Variants in RBFOX2 observed in about 807,000 individuals in gnomAD.
RBFOX2 encodes the protein RNA binding protein fox-1 homolog 2.
A neutral mutation model predicts 49.1 loss-of-function variants in RBFOX2; 10 were observed. The observed-to-expected ratio is 0.20, with a 90% CI of 0.13 to 0.35. RBFOX2 has a LOEUF of 0.35. Ranked by LOEUF, RBFOX2 falls within the 10% of genes least tolerant of loss-of-function variation. The pLI is 1.00. For synonymous variants in RBFOX2, 183 were observed against 187.4 expected (o/e 0.98, Z 0.19); for missense variants, 323 against 486.9 (o/e 0.66, Z 3.17).
At chr22:35,791,004 T>C (rs1947490875) in intron 2 of RBFOX2, among the ~76,000 whole-genome samples, 1 of 149,760 alleles carries the variant, frequency 6.7e-6, no homozygotes, top group South Asian at 2.1e-4. Flanking sequence ...CAAGACCCTG[T>C]CTCAAAACAA....
At chr22:35,804,278 G>A (rs575080029) in intron 2 of RBFOX2, among the ~76,000 whole-genome samples, 4 of 151,752 alleles carry the variant, frequency 2.6e-5, no homozygotes, top group African/African-American at 2.4e-5. Flanking sequence ...ACTTCATCTC[G>A]GGGGAAAAGA....
At chr22:36,009,241 T>C (rs1421634429) in intron 1 of RBFOX2, among the ~76,000 whole-genome samples, 1 of 152,222 alleles carries the variant, frequency 6.6e-6, no homozygotes, top group Non-Finnish European at 1.5e-5. Flanking sequence ...AAAACTGTAA[T>C]GACTCATTTA....
chr22:35,746,382 T>C lies in RBFOX2; in HGVS notation c.976+91A>G, dbSNP rs771676891. On this transcript the variant is annotated intron_variant, in intron 10 of 11. Transcript: ENST00000405409. The stretch of plus-strand genomic sequence containing the variant: ...AGATGCCCGATGTGCTAAGAGCTGC[T>C]GTGGAAATGGTGAAGGGAGGAAAAT... The C allele has an allele frequency of 1.1e-4, 124 of 1,168,446 alleles. 1 individual carries two copies. The highest frequency in any genetic ancestry group is 4.7e-4 in the Admixed American group (20 of 42,850). 72.4% of individuals were successfully genotyped at this position (1,168,446 alleles called of 1,614,324 possible).
chr22:35,935,269 T>G (rs569758961), intron 1 of RBFOX2, among the ~76,000 whole-genome samples: 68 of 152,334 alleles, frequency 4.5e-4, no homozygotes, highest in African/African-American at 1.5e-3. Context: ...CTCACTTTTC[T>G]GAACTAGTTT....
chr22:35,747,775 T>C (rs1389803891), intron 9 of RBFOX2: 1 of 152,236 alleles, frequency 6.6e-6, no homozygotes. Flanking sequence ...AACAATAGCA[T>C]AAACATTTTA....
chr22:35,758,972 A>C (rs1034419348), intron 9 of RBFOX2, among the ~76,000 whole-genome samples: 1 of 152,186 alleles, frequency 6.6e-6, no homozygotes, highest in African/African-American at 2.4e-5. Context: ...TTCCTCCGTA[A>C]GAATACAAAA....
chr22:35,815,208 T>TA (rs1392989713), intron 1 of RBFOX2, among the ~76,000 whole-genome samples: 1 of 152,214 alleles, frequency 6.6e-6, no homozygotes, highest in Admixed American at 6.5e-5. Flanking sequence ...GACTTGAGTT[T>TA]AAATTCCAAT....
intron 1 of RBFOX2, among the ~76,000 whole-genome samples, chr22:35,881,148 C>T (rs2045835765): frequency 6.6e-6 from 1 of 152,112 alleles, no homozygotes; most frequent in South Asian, 2.1e-4. Flanking sequence ...GCCTGTAGTC[C>T]AGCCACTCTG....
rs1044398028 is a variant in RBFOX2 at position 35,901,305 on chromosome 22, T to C, written c.-34+37542A>G. On this transcript the variant is annotated intron_variant, in intron 1 of 13. Transcript: ENST00000359369. ...AAAAAAATCACTGAAAAACTTACCC[T>C]GGATATAAATAACCCTGCACTCTAC... Among the ~76,000 whole-genome samples the C allele has an allele frequency of 1.6e-4, 24 of 152,270 alleles. 1 individual carries two copies. The highest frequency in any genetic ancestry group is 5.8e-4 in the African/African-American group (24 of 41,540).
chr22:36,008,531 T>C (rs763774542), intron 1 of RBFOX2, among the ~76,000 whole-genome samples: 1 of 152,112 alleles, frequency 6.6e-6, no homozygotes, highest in African/African-American at 2.4e-5. Context: ...TAACAAAAAA[T>C]AGGGGCCAAG....
chr22:35,967,411 C>CAAA (rs398061921), intron 1 of RBFOX2, among the ~76,000 whole-genome samples: 1 of 137,320 alleles, frequency 7.3e-6, no homozygotes, highest in African/African-American at 2.7e-5. Context: ...AATACCCTAC[C>CAAA]AAAAAAAAAA....
intron 1 of RBFOX2, among the ~76,000 whole-genome samples, chr22:35,907,337 T>C (rs1383633813): frequency 1.3e-5 from 2 of 152,192 alleles, no homozygotes; most frequent in Non-Finnish European, 2.9e-5. Flanking sequence ...GAAGTTTTCT[T>C]AGGTAGGGGA....
intron 2 of RBFOX2, among the ~76,000 whole-genome samples, chr22:35,782,780 G>T (rs1194292303): frequency 6.6e-6 from 1 of 152,192 alleles, no homozygotes; most frequent in East Asian, 1.9e-4. Flanking sequence ...TGACTCATCT[G>T]CTAATTAGCA....
chr22:35,963,966 G>A (rs1023551435), upstream of RBFOX2, among the ~76,000 whole-genome samples: 4 of 152,188 alleles, frequency 2.6e-5, no homozygotes, highest in Admixed American at 2.6e-4. Flanking sequence ...GGCTGGTCTC[G>A]AACTCCTGAC....
At chr22:35,933,457 T>G (rs2052656649) in intron 1 of RBFOX2, among the ~76,000 whole-genome samples, 2 of 152,230 alleles carry the variant, frequency 1.3e-5, no homozygotes, top group Non-Finnish European at 2.9e-5. Flanking sequence ...TTTCAACACT[T>G]AGTTTTGCAA....
At chr22:35,991,808 G>A (rs1347373555) in intron 1 of RBFOX2, among the ~76,000 whole-genome samples, 3 of 152,158 alleles carry the variant, frequency 2.0e-5, no homozygotes, top group Non-Finnish European at 4.4e-5. Flanking sequence ...TGGCACCTCC[G>A]ATAATGACTG....
At position 35,906,580 on chromosome 22, in the gene RBFOX2, T is replaced by C. The variant is rs553107631; in HGVS notation, c.-34+32267A>G. Among the ~76,000 whole-genome samples the C allele has an allele frequency of 6.2e-4, 95 of 152,278 alleles. No homozygotes were observed. In the Middle Eastern group the frequency reaches 0.017, roughly 27 times the overall value. ...TCATGTCTGTAATCCCAGCACTTTCTGGGGCTGAGGCAGGCAGATCTCTTC... is the reference window on the plus strand; with the variant it reads ...TCATGTCTGTAATCCCAGCACTTTCCGGGGCTGAGGCAGGCAGATCTCTTC... On this transcript the variant is annotated intron_variant, in intron 1 of 13. Transcript: ENST00000359369.
chr22:35,828,239 A>G (rs1281358340), intron 1 of RBFOX2, among the ~76,000 whole-genome samples: 1 of 152,156 alleles, frequency 6.6e-6, no homozygotes, highest in African/African-American at 2.4e-5. Flanking sequence ...ATGAAACAAC[A>G]GCACTCAAGA....
intron 1 of RBFOX2, among the ~76,000 whole-genome samples, chr22:35,976,963 CAAA>C (rs199582145): frequency 3.4e-5 from 2 of 59,544 alleles, no homozygotes; most frequent in South Asian, 5.7e-4. Flanking sequence ...GACTCCGTCT[CAAA>C]AAAAAAAAAA....
Sources: allele counts gnomAD v4.1 joint callset (sites outside exome capture counted in the v4.1 genomes callset), GRCh38; gene constraint gnomAD v4.1.1; transcripts MANE v1.5; gene names NCBI Gene and HGNC (gene_info 2026-07-23, HGNC 2026-07-21).